FHIT: variants seen among roughly 807,000 people sequenced by gnomAD.
The protein encoded by FHIT is fragile histidine triad diadenosine triphosphatase.
FHIT carries 19 observed loss-of-function variants against 17.9 expected under a neutral mutation model. The ratio of observed to expected loss-of-function variants is 1.06; its 90% CI spans 0.74 to 1.56. The LOEUF (loss-of-function observed/expected upper bound fraction) is 1.56, where lower values mean the gene tolerates loss of function less well. Ranked by LOEUF, FHIT falls within the 40% of genes most tolerant of loss-of-function variation. The pLI, the probability that FHIT is intolerant of heterozygous loss-of-function variation, is 0.00. For missense variants in FHIT, 248 were observed against 189.2 expected (o/e 1.31, Z -1.82); for synonymous variants, 81 against 69.7 (o/e 1.16, Z -0.81).
chr3:60,538,402 A>G (rs551331156), intron 4 of FHIT, among the ~76,000 whole-genome samples: 2 of 152,180 alleles, frequency 1.3e-5, no homozygotes, highest in East Asian at 3.8e-4. Flanking sequence ...CCCCATCAAG[A>G]TACCAATTAC....
At position 59,928,894 on chromosome 3, in the gene FHIT, C is replaced by T. The variant is rs532374654; in HGVS notation, c.280-6480G>A. Among the ~76,000 whole-genome samples the T allele has an allele frequency of 2.9e-3, 419 of 143,898 alleles. 1 individual carries two copies. The highest frequency in any genetic ancestry group is 0.01 in the African/African-American group (406 of 38,912). 94.4% of individuals were successfully genotyped at this position (143,898 alleles called of 152,430 possible). On this transcript the variant is annotated intron_variant, in intron 7 of 9. Transcript: ENST00000492590. ...CCTGTAATCCCAGCTACTCAGGAGGCTGAGGTAGGAGAATCTCTTAAACCT... is the reference window on the plus strand; with the variant it reads ...CCTGTAATCCCAGCTACTCAGGAGGTTGAGGTAGGAGAATCTCTTAAACCT...
intron 5 of FHIT, among the ~76,000 whole-genome samples, chr3:60,380,741 AG>A (rs1241080892): frequency 6.6e-6 from 1 of 152,312 alleles, no homozygotes; most frequent in East Asian, 1.9e-4. Flanking sequence ...TATCATTACC[AG>A]TTTCTAACAC....
chr3:60,050,098 G>A (rs919194761), intron 5 of FHIT, among the ~76,000 whole-genome samples: 1 of 151,990 alleles, frequency 6.6e-6, no homozygotes, highest in African/African-American at 2.4e-5. Flanking sequence ...TTATATCTTT[G>A]CTTATTAAAA....
At chr3:59,818,911 G>A (rs1700697374) in intron 8 of FHIT, among the ~76,000 whole-genome samples, 1 of 152,214 alleles carries the variant, frequency 6.6e-6, no homozygotes, top group South Asian at 2.1e-4. Context: ...GCATGGATAT[G>A]ACACTAGCCC....
intron 5 of FHIT, among the ~76,000 whole-genome samples, chr3:60,083,894 C>G (rs566312632): frequency 2.0e-5 from 3 of 152,302 alleles, no homozygotes; most frequent in Non-Finnish European, 2.9e-5. Flanking sequence ...TAGGGAGCTG[C>G]TAATAATAAC....
chr3:60,279,949 G>A (rs1009298935), intron 5 of FHIT, among the ~76,000 whole-genome samples: 3 of 150,976 alleles, frequency 2.0e-5, no homozygotes, highest in Non-Finnish European at 4.4e-5. Context: ...GGAGAATGGC[G>A]TGAACCTGGG....
intron 5 of FHIT, among the ~76,000 whole-genome samples, chr3:60,307,972 T>C (rs1465930506): frequency 6.6e-6 from 1 of 152,158 alleles, no homozygotes; most frequent in Non-Finnish European, 1.5e-5. Context: ...CTGTGCACAG[T>C]GCCTTATGTG....
intron 2 of FHIT, among the ~76,000 whole-genome samples, chr3:61,053,162 G>A (rs983331473): frequency 6.6e-6 from 1 of 152,152 alleles, no homozygotes; most frequent in African/African-American, 2.4e-5. Context: ...AAAGTGAGTG[G>A]CTGTTGGGAA....
At chr3:59,828,381 A>T (rs1326851403) in intron 8 of FHIT, among the ~76,000 whole-genome samples, 1 of 152,224 alleles carries the variant, frequency 6.6e-6, no homozygotes, top group Non-Finnish European at 1.5e-5. Flanking sequence ...GTAACTTCTA[A>T]GAAATCAATA....
At chr3:59,873,599 C>G (rs1703018650) in intron 8 of FHIT, among the ~76,000 whole-genome samples, 1 of 152,192 alleles carries the variant, frequency 6.6e-6, no homozygotes, top group Non-Finnish European at 1.5e-5. Flanking sequence ...CAGCTGCTGT[C>G]TTCTGTATTA....
chr3:59,795,532 A>G (rs1699744420), intron 8 of FHIT, among the ~76,000 whole-genome samples: 1 of 152,000 alleles, frequency 6.6e-6, no homozygotes, highest in Non-Finnish European at 1.5e-5. Context: ...AAGACAGCCT[A>G]GGCAACATGG....
intron 7 of FHIT, among the ~76,000 whole-genome samples, chr3:59,982,024 G>C (rs1196403028): frequency 6.6e-6 from 1 of 151,680 alleles, no homozygotes; most frequent in African/African-American, 2.4e-5. Flanking sequence ...TTCTGAACAG[G>C]TATTCTTTGA....
At chr3:60,504,402 A>C (rs1252843475) in intron 5 of FHIT, among the ~76,000 whole-genome samples, 2 of 151,374 alleles carry the variant, frequency 1.3e-5, no homozygotes, top group Non-Finnish European at 2.9e-5. Flanking sequence ...ACTGCACTCC[A>C]GCCTGGCGAC....
intron 8 of FHIT, among the ~76,000 whole-genome samples, chr3:59,802,364 C>A (rs2106986080): frequency 6.6e-6 from 1 of 152,280 alleles, no homozygotes; most frequent in Middle Eastern, 3.4e-3. Context: ...GGCCTCTGAG[C>A]CCAAGCTAAT....
intron 3 of FHIT, among the ~76,000 whole-genome samples, chr3:60,839,435 T>A (rs1156461035): frequency 6.6e-6 from 1 of 152,196 alleles, no homozygotes; most frequent in Admixed American, 6.5e-5. Flanking sequence ...TGCAATGAGA[T>A]CATGGCTAGA....
intron 5 of FHIT, among the ~76,000 whole-genome samples, chr3:60,264,223 A>C (rs1322186350): frequency 1.3e-5 from 2 of 152,006 alleles, no homozygotes; most frequent in African/African-American, 4.8e-5. Context: ...TGTATGTAGG[A>C]GTAGCCTGAT....
intron 4 of FHIT, among the ~76,000 whole-genome samples, chr3:60,588,283 G>A (rs1553662846): frequency 1.3e-5 from 2 of 151,856 alleles, no homozygotes; most frequent in Admixed American, 6.6e-5. Flanking sequence ...AACTGACACA[G>A]AACAAATGAA....
chr3:59,826,675 G>A (rs1417900241), intron 8 of FHIT, among the ~76,000 whole-genome samples: 1 of 152,274 alleles, frequency 6.6e-6, no homozygotes, highest in Non-Finnish European at 1.5e-5. Flanking sequence ...ATACACGGGA[G>A]TCTCAGCGTG....
intron 1 of FHIT, among the ~76,000 whole-genome samples, chr3:61,241,547 T>C (rs1450724293): frequency 1.3e-5 from 2 of 152,232 alleles, no homozygotes; most frequent in African/African-American, 2.4e-5. Flanking sequence ...TCCTCCAGCC[T>C]GGTCTAACTA....
Sources: gnomAD v4.1 joint callset for allele counts (sites outside exome capture counted in the v4.1 genomes callset) on GRCh38, gnomAD v4.1.1 for gene constraint, MANE v1.5 for transcripts, NCBI Gene and HGNC (gene_info 2026-07-23, HGNC 2026-07-21) for gene names.